Variants in KANK1 observed in about 807,000 individuals in gnomAD.
The protein encoded by KANK1 is KN motif and ankyrin repeat domains 1.
In KANK1, 109 loss-of-function variants were observed where a neutral mutation model predicts 106.2. That is an observed-to-expected ratio of 1.03 (90% CI 0.88 to 1.20). The LOEUF (loss-of-function observed/expected upper bound fraction) is 1.20, where lower values mean the gene tolerates loss of function less well. Among genes scored for constraint, KANK1 ranks in the 50% most tolerant of loss-of-function variants. The probability of loss-of-function intolerance (pLI) is 0.00; values close to 1 mark genes in which losing one functional copy is unlikely to be tolerated. For missense variants in KANK1, 2,399 were observed against 1,710.7 expected, an observed-to-expected ratio of 1.40 and a Z score of -7.10; for synonymous variants, 873 against 652.2, an observed-to-expected ratio of 1.34 and a Z score of -5.16.
At chr9:602,284 G>A (rs771897229) in intron 1 of KANK1, among the ~76,000 whole-genome samples, 15 of 150,986 alleles carry the variant, frequency 9.9e-5, no homozygotes, top group Admixed American at 3.3e-4. Context: ...TTTTTGAGAC[G>A]GAGTCTCGCT....
intron 1 of KANK1, chr9:673,541 C>G (rs1171386073): frequency 6.6e-6 from 1 of 152,142 alleles, no homozygotes; most frequent in East Asian, 1.9e-4. Context: ...CAGTGATATG[C>G]TTACAGTTCC....
chr9:695,263 G>A (rs1232034645), intron 2 of KANK1, among the ~76,000 whole-genome samples: 2 of 152,150 alleles, frequency 1.3e-5, no homozygotes, highest in Non-Finnish European at 2.9e-5. Context: ...TGAGGACTTC[G>A]GGAGAGCTGC....
chr9:670,957 T>TTG (rs1563960881), intron 1 of KANK1, among the ~76,000 whole-genome samples: 2 of 144,534 alleles, frequency 1.4e-5, no homozygotes, highest in African/African-American at 2.5e-5. Flanking sequence ...GAGTTTTTTT[T>TTG]TTTTTTTTTT....
chr9:715,290 G>A (rs1318632990), intron 3 of KANK1, among the ~76,000 whole-genome samples: 1 of 152,168 alleles, frequency 6.6e-6, no homozygotes, highest in Non-Finnish European at 1.5e-5. Context: ...AAGAACTCAT[G>A]CCATGTCTGC....
chr9:524,367 G>T (rs941268078), intron 1 of KANK1, among the ~76,000 whole-genome samples: 9 of 111,238 alleles, frequency 8.1e-5, no homozygotes, highest in Non-Finnish European at 1.5e-4. Flanking sequence ...ACTTTTTGGA[G>T]TGTATGTGTA....
intron 3 of KANK1, among the ~76,000 whole-genome samples, chr9:476,970 C>G (rs2058115493): frequency 6.6e-6 from 1 of 152,136 alleles, no homozygotes; most frequent in African/African-American, 2.4e-5. Context: ...GTCTCCTTTC[C>G]TAAGATCCCG....
At chr9:671,196 A>G (rs7024725) in intron 1 of KANK1, among the ~76,000 whole-genome samples, 7,028 of 149,306 alleles carry the variant, frequency 0.047, 432 homozygotes, top group East Asian at 0.22. Flanking sequence ...AATTCCTACC[A>G]TTGCATTTAG....
intron 1 of KANK1, among the ~76,000 whole-genome samples, chr9:606,740 G>A (rs1179252258): frequency 1.3e-5 from 2 of 151,380 alleles, no homozygotes; most frequent in East Asian, 3.9e-4. Context: ...TTAAAAAGTA[G>A]AATTTTTATC....
intron 1 of KANK1, among the ~76,000 whole-genome samples, chr9:663,382 G>C (rs771764775): frequency 6.6e-6 from 1 of 152,144 alleles, no homozygotes; most frequent in Non-Finnish European, 1.5e-5. Context: ...CAAGGTTTAG[G>C]TGTCTGCCAG....
chr9:680,616 T>A (rs1363071512), intron 2 of KANK1, among the ~76,000 whole-genome samples: 1 of 152,166 alleles, frequency 6.6e-6, no homozygotes, highest in African/African-American at 2.4e-5. Flanking sequence ...GATACAGCAG[T>A]GAACCAAAGA....
intron 3 of KANK1, among the ~76,000 whole-genome samples, chr9:718,037 CAA>C (rs1309848958): frequency 6.6e-6 from 1 of 152,144 alleles, no homozygotes; most frequent in Non-Finnish European, 1.5e-5. Flanking sequence ...AAGTTGTAGA[CAA>C]GAGATCTGAG....
At chr9:679,550 G>T (rs898011524) in intron 2 of KANK1, among the ~76,000 whole-genome samples, 1 of 152,124 alleles carries the variant, frequency 6.6e-6, no homozygotes, top group East Asian at 1.9e-4. Context: ...ACGCAGCTGG[G>T]ATTACAGGCC....
At chr9:704,376 A>G (rs1008916976) in intron 2 of KANK1, among the ~76,000 whole-genome samples, 3 of 152,216 alleles carry the variant, frequency 2.0e-5, no homozygotes. Context: ...TCAAAGTTAC[A>G]CTAGTGTTCT....
chr9:683,485 C>G (rs1309516451), intron 2 of KANK1, among the ~76,000 whole-genome samples: 1 of 152,184 alleles, frequency 6.6e-6, no homozygotes, highest in Non-Finnish European at 1.5e-5. Flanking sequence ...ACACAAGTTG[C>G]TGAGCTCACA....
At chr9:723,340 T>C (rs1829843073) in intron 3 of KANK1, among the ~76,000 whole-genome samples, 1 of 152,186 alleles carries the variant, frequency 6.6e-6, no homozygotes, top group Admixed American at 6.6e-5. Flanking sequence ...TGGGTGACAC[T>C]ATCTGGAAGG....
intron 2 of KANK1, among the ~76,000 whole-genome samples, chr9:695,584 C>A (rs184742589): frequency 2.0e-5 from 3 of 150,466 alleles, no homozygotes; most frequent in African/African-American, 7.4e-5. Context: ...ACAAGTATCA[C>A]AAATACCTTA....
chr9:674,301 T>G (rs1815911213), intron 1 of KANK1: 1 of 149,986 alleles, frequency 6.7e-6, no homozygotes, highest in Admixed American at 6.7e-5. Flanking sequence ...TGGTTTAGAA[T>G]CTCCTCTCTC....
chr9:591,763 A>G (rs575933641), intron 1 of KANK1, among the ~76,000 whole-genome samples: 2 of 151,794 alleles, frequency 1.3e-5, no homozygotes, highest in African/African-American at 4.9e-5. Context: ...GGTTCAAGTG[A>G]TTCTCCTGCC....
intron 5 of KANK1, 182 bp from the exon 6 acceptor site, chr9:732,196 A>T: frequency 1.6e-6 from 1 of 617,932 alleles, no homozygotes; most frequent in Middle Eastern, 4.5e-4. Flanking sequence ...AACCAGTTTA[A>T]GTTAGAGTCC....
Sources: allele counts gnomAD v4.1 joint callset (sites outside exome capture counted in the v4.1 genomes callset), GRCh38; gene constraint gnomAD v4.1.1; transcripts MANE v1.5; gene names NCBI Gene and HGNC (gene_info 2026-07-23, HGNC 2026-07-21).